STXBP3: variants seen among roughly 807,000 people sequenced by gnomAD.
STXBP3 encodes syntaxin binding protein 3, also known as syntaxin-binding protein 3.
Under a neutral mutation model 85.7 loss-of-function variants are expected in STXBP3, and 41 were observed. The ratio of observed to expected loss-of-function variants is 0.48; its 90% CI spans 0.37 to 0.62. STXBP3 has a LOEUF of 0.62. STXBP3 is among the 20% of genes least tolerant of loss of function. The probability of loss-of-function intolerance (pLI) is 0.00; values close to 1 mark genes in which losing one functional copy is unlikely to be tolerated. For synonymous variants in STXBP3, 229 were observed against 231.7 expected (o/e 0.99, Z 0.10); for missense variants, 563 against 703.1 (o/e 0.80, Z 2.25).
At chr1:108,766,953 T>C in intron 6 of STXBP3, 1 of 534,036 alleles carries the variant, frequency 1.9e-6, no homozygotes, top group Non-Finnish European at 3.8e-6. Flanking sequence ...TATTCCAATT[T>C]TATTGATCCA....
intron 6 of STXBP3, among the ~76,000 whole-genome samples, chr1:108,760,290 A>T (rs1041257326): frequency 5.3e-5 from 8 of 152,184 alleles, no homozygotes; most frequent in Admixed American, 3.3e-4. Context: ...CTTAAATTTC[A>T]TATCTGCCAC....
At chr1:108,771,511 TAA>T (rs1491535802) in intron 6 of STXBP3, among the ~76,000 whole-genome samples, 5 of 89,444 alleles carry the variant, frequency 5.6e-5, no homozygotes, top group Non-Finnish European at 1.0e-4. Flanking sequence ...ATATGATATA[TAA>T]ATATATATGA....
chr1:108,770,765 G>T lies in STXBP3; in HGVS notation c.439-1900G>T, dbSNP rs1354254378. Among the ~76,000 whole-genome samples the T allele has an allele frequency of 4.1e-5, 3 of 73,710 alleles. No individual in the cohort carries two copies. The South Asian group carries it at 1.1e-3, about 26-fold the overall frequency. The allele number at this position is 73,710 out of a possible 152,430, so 48.4% of individuals were successfully genotyped here. A position where few individuals can be genotyped will look rare whatever the true frequency, so the allele number is the denominator to read the frequency against. ...AACGGGGAACTCTCAATACCATTTA[G>T]GGAGCTCCTGGCTTTTGTATCCTCC... On this transcript the variant is annotated intron_variant, in intron 6 of 18. Coordinates refer to ENST00000370008, the MANE Select transcript of STXBP3 (RefSeq NM_007269.4).
chr1:108,767,023 C>T (rs549892087), intron 6 of STXBP3: 23 of 465,082 alleles, frequency 4.9e-5, no homozygotes, highest in South Asian at 3.5e-4. Context: ...AACATGTCAC[C>T]AACCATCACA....
rs1354385519 is a variant in STXBP3 at position 108,772,260 on chromosome 1, TATG to T, written c.439-402_439-400del. ...TCTATCTGTATCATATATAAATACA[TATG>T]ATATCTATCTGTATCATATATAAAT... On this transcript the variant is annotated intron_variant, in intron 6 of 18. Transcript: ENST00000370008. Among the ~76,000 whole-genome samples, 13 of 74,638 alleles carry T rather than the reference TATG, an allele frequency of 1.7e-4. 1 individual carries two copies. The East Asian group carries it at 2.3e-3, about 13-fold the overall frequency. 49.0% of individuals were successfully genotyped at this position (74,638 alleles called of 152,430 possible). A position where few individuals can be genotyped will look rare whatever the true frequency, so the allele number is the denominator to read the frequency against.
chr1:108,800,224 C>T lies in STXBP3; in HGVS notation c.1454C>T (p.Ala485Val), dbSNP rs1490894808. 1.9e-6 allele frequency: 3 copies of T among 1,604,816 alleles called. No homozygotes were observed. The highest frequency in any genetic ancestry group is 3.3e-5 in the Admixed American group (2 of 59,956). Residue 485 changes from alanine to valine, a missense_variant, in exon 17 of 19, where the codon GCT becomes GTT. Physicochemically the swap from Ala to Val is moderately conservative, Grantham distance 64 (BLOSUM62 0). Transcript: ENST00000370008. ...ATTAACTCTTTCCTTCCTTAGGATG[C>T]TATTGATAATAGATTAGATTCAAAA... is the stretch of plus-strand genomic sequence containing the variant. ...TPFIKDIMED[A>V]IDNRLDSKEW... is the part of the protein sequence containing the mutation.
chr1:108,805,456 G>A (rs1001115596), intron 17 of STXBP3, among the ~76,000 whole-genome samples: 4 of 127,996 alleles, frequency 3.1e-5, no homozygotes, highest in African/African-American at 6.0e-5. Flanking sequence ...ACGGAGTCTC[G>A]CTCTGTCACC....
chr1:108,761,192 C>T (rs997910103), intron 6 of STXBP3, among the ~76,000 whole-genome samples: 2 of 152,116 alleles, frequency 1.3e-5, no homozygotes, highest in African/African-American at 4.8e-5. Context: ...GGGTGTGAGC[C>T]ACCACGCCCA....
At chr1:108,803,821 C>T (rs1043731608) in intron 17 of STXBP3, among the ~76,000 whole-genome samples, 5 of 152,166 alleles carry the variant, frequency 3.3e-5, no homozygotes, top group African/African-American at 1.2e-4. Flanking sequence ...TCCGTTTCTT[C>T]ATTTGGTCGT....
intron 6 of STXBP3, among the ~76,000 whole-genome samples, chr1:108,771,469 GATATATATCTATATATATC>G (rs1342864528): frequency 6.4e-5 from 5 of 77,856 alleles, no homozygotes; most frequent in Non-Finnish European, 9.4e-5. Flanking sequence ...AAATATATAT[GATATATATCTATATATATC>G]ATATATAAAT....
intron 4 of STXBP3, among the ~76,000 whole-genome samples, chr1:108,758,285 A>C (rs1195729671): frequency 1.3e-5 from 2 of 149,230 alleles, no homozygotes; most frequent in African/African-American, 2.5e-5. Context: ...TTTTTTTTCC[A>C]AAACCAAAAA....
chr1:108,783,465 AT>A (rs1326805061), intron 11 of STXBP3, among the ~76,000 whole-genome samples: 1 of 152,096 alleles, frequency 6.6e-6, no homozygotes, highest in Non-Finnish European at 1.5e-5. Context: ...ACATAATGAG[AT>A]TCACCTGTGT....
At chr1:108,777,446 T>C (rs1000404384) in intron 8 of STXBP3, among the ~76,000 whole-genome samples, 7 of 152,126 alleles carry the variant, frequency 4.6e-5, no homozygotes, top group African/African-American at 1.7e-4. Flanking sequence ...ATGGAAGATA[T>C]AAACTTAGAT....
At chr1:108,756,861 A>G (rs962262797) in intron 4 of STXBP3, 95 bp downstream of exon 4, 42 of 891,100 alleles carry the variant, frequency 4.7e-5, no homozygotes, top group Non-Finnish European at 6.5e-5. Context: ...AGTACACTTT[A>G]GTAGAAAAAT....
rs752413550 is a variant in STXBP3, at chr1:108,807,423, A to C, written c.1558A>C (p.Asn520His). 4 of 1,609,300 alleles carry C rather than the reference A, an allele frequency of 2.5e-6. No individual in the cohort carries two copies. Among genetic ancestry groups the C allele is most frequent in the Admixed American group, 3.4e-5 (2 of 59,110 alleles). ...TAGTGCTCGCCAGAAACCCAGAGCT[A>C]ATTATTTAGAAGACCGAAAAAATGG... Reference protein sequence around the residue: ...AVSARQKPRANYLEDRKNGSK... With the variant: ...AVSARQKPRAHYLEDRKNGSK... The change falls in exon 18 of 19, where the codon AAT becomes CAT. Residue 520 changes from asparagine to histidine, a missense_variant. Asn to His is a moderately conservative substitution (Grantham distance 68, BLOSUM62 1). This residue lies in a region of STXBP3 where 494 missense variants were observed against 592.8 expected (regional missense o/e 0.83). Coordinates refer to ENST00000370008, the MANE Select transcript of STXBP3 (RefSeq NM_007269.4).
At chr1:108,797,932 A>C (rs1460467314) in intron 15 of STXBP3, among the ~76,000 whole-genome samples, 1 of 152,188 alleles carries the variant, frequency 6.6e-6, no homozygotes, top group East Asian at 1.9e-4. Context: ...TGATATGATT[A>C]TAAATAAATT....
chr1:108,807,036 G>A (rs890124100), intron 17 of STXBP3, among the ~76,000 whole-genome samples: 4 of 152,082 alleles, frequency 2.6e-5, no homozygotes, highest in South Asian at 2.1e-4. Context: ...GGCAGATCAC[G>A]AGGTCAGGAG....
At chr1:108,792,740 C>T (rs2990877) in intron 11 of STXBP3, among the ~76,000 whole-genome samples, 44,868 of 152,032 alleles carry the variant, frequency 0.3, 7,605 homozygotes, top group East Asian at 0.77. Flanking sequence ...GCTGTCTCTA[C>T]ACAGAATGTT....
In STXBP3 at chr1:108,792,957, C is replaced by T. The variant is rs190673121; in HGVS notation, c.964-625C>T. Among the ~76,000 whole-genome samples, 139 of 152,100 alleles carry T rather than the reference C, an allele frequency of 9.1e-4. 1 individual carries two copies. Among genetic ancestry groups the T allele is most frequent in the African/African-American group, 3.3e-3 (135 of 41,504 alleles). ...GCTAGTATATTCTTAGCACTAAGAC[C>T]CCTCTGAAATCTTGTCCAACATTTA... is the stretch of plus-strand genomic sequence containing the variant. On this transcript the variant is annotated intron_variant, in intron 11 of 18. Transcript: ENST00000370008.
Sources: gnomAD v4.1 joint callset for allele counts (sites outside exome capture counted in the v4.1 genomes callset) on GRCh38, gnomAD v4.1.1 for gene constraint, gnomAD v4.1.1 regional missense constraint, MANE v1.5 for transcripts, NCBI Gene and HGNC (gene_info 2026-07-23, HGNC 2026-07-21) for gene names.